MYLK3: variants seen among roughly 807,000 people sequenced by gnomAD.
MYLK3 encodes myosin light chain kinase 3.
MYLK3 carries 55 observed loss-of-function variants against 76.3 expected under a neutral mutation model. The ratio of observed to expected loss-of-function variants is 0.72; its 90% CI spans 0.58 to 0.90. The LOEUF (loss-of-function observed/expected upper bound fraction) is 0.90, where lower values mean the gene tolerates loss of function less well. MYLK3 is among the 40% of genes least tolerant of loss of function. The probability of loss-of-function intolerance (pLI) is 0.00; values close to 1 mark genes in which losing one functional copy is unlikely to be tolerated. For missense variants in MYLK3, 973 were observed against 1,053.6 expected, an observed-to-expected ratio of 0.92 and a Z score of 1.06; for synonymous variants, 416 against 425.4, an observed-to-expected ratio of 0.98 and a Z score of 0.27.
intron 1 of MYLK3, among the ~76,000 whole-genome samples, chr16:46,742,344 G>A (rs528966641): frequency 6.6e-6 from 1 of 152,050 alleles, no homozygotes; most frequent in Non-Finnish European, 1.5e-5. Flanking sequence ...ATCACATGAG[G>A]TCAGGAGTTC....
chr16:46,703,554 G>A lies in MYLK3; in HGVS notation c.*4150C>T, dbSNP rs1238386637. Reference sequence around the variant, plus strand: ...AGTGACTGTACATGCAAATGGAAAAGTCCCATTAGAAATAGTTGACCCAAC... The same window carrying A: ...AGTGACTGTACATGCAAATGGAAAAATCCCATTAGAAATAGTTGACCCAAC... On this transcript the variant is annotated 3_prime_UTR_variant, in exon 13 of 13. Transcript: ENST00000394809. 6.6e-6 allele frequency: 1 copy of A among 152,192 alleles called. No homozygotes were observed. The highest frequency in any genetic ancestry group is 1.5e-5 in the Non-Finnish European group (1 of 68,040). The allele number at this position is 152,192 out of a possible 1,614,324, so 9.4% of individuals were successfully genotyped here.
chr16:46,744,118 C>T (rs566125632), intron 1 of MYLK3, among the ~76,000 whole-genome samples: 18 of 152,034 alleles, frequency 1.2e-4, no homozygotes, highest in African/African-American at 3.4e-4. Flanking sequence ...CTGCAACCTC[C>T]GCCTCCCGGG....
rs200582243 is a variant in MYLK3 at position 46,742,744 on chromosome 16, C to A, written c.478-2597G>T. ...TGGAGAACACACAGCCCAGCACCGG[C>A]GTGGGGGAGGCACTTCATCAAAACT... is the stretch of plus-strand genomic sequence containing the variant. On this transcript the variant is annotated intron_variant, in intron 1 of 12. Coordinates refer to ENST00000394809, the MANE Select transcript of MYLK3 (RefSeq NM_182493.3). Among the ~76,000 whole-genome samples the A allele has an allele frequency of 2.0e-5, 3 of 152,164 alleles. No homozygotes were observed. The East Asian group carries it at 5.8e-4, about 29-fold the overall frequency.
At chr16:46,746,984 G>T (rs930430190) in intron 1 of MYLK3, among the ~76,000 whole-genome samples, 4 of 152,178 alleles carry the variant, frequency 2.6e-5, no homozygotes, top group Non-Finnish European at 5.9e-5. Context: ...CCAGAGGCTG[G>T]TGAGTCACTG....
At chr16:46,736,003 TTTG>T (rs559693345) in intron 3 of MYLK3, among the ~76,000 whole-genome samples, 64 of 152,020 alleles carry the variant, frequency 4.2e-4, no homozygotes, top group Non-Finnish European at 7.4e-4. Context: ...TCTGGGTTTG[TTTG>T]TTGTTGTTGT....
chr16:46,706,578 G>A lies in MYLK3; in HGVS notation c.*1126C>T, dbSNP rs1966628913. ...CAAAGTGCTGGGATTATGGGCATGAGCCACCACACCCAGCTTATATACTGT... is the reference window on the plus strand; with the variant it reads ...CAAAGTGCTGGGATTATGGGCATGAACCACCACACCCAGCTTATATACTGT... On this transcript the variant is annotated 3_prime_UTR_variant, in exon 13 of 13. Coordinates refer to ENST00000394809, the MANE Select transcript of MYLK3 (RefSeq NM_182493.3). 6.6e-6 allele frequency: 1 copy of A among 152,182 alleles called. No homozygotes were observed. The highest frequency in any genetic ancestry group is 2.1e-4 in the South Asian group (1 of 4,830). The allele number at this position is 152,182 out of a possible 1,614,324, so 9.4% of individuals were successfully genotyped here.
intron 1 of MYLK3, among the ~76,000 whole-genome samples, chr16:46,745,348 A>G (rs538487496): frequency 1.0e-3 from 156 of 152,374 alleles, no homozygotes; most frequent in Non-Finnish European, 1.7e-3. Flanking sequence ...GGGAGTACCC[A>G]GATATATTCA....
chr16:46,747,143 T>G (rs1481968491), intron 1 of MYLK3, among the ~76,000 whole-genome samples: 2 of 152,172 alleles, frequency 1.3e-5, no homozygotes, highest in South Asian at 2.1e-4. Context: ...CAGGATTGAT[T>G]ATGCAACTCT....
At position 46,748,296 on chromosome 16, in the gene MYLK3, G is replaced by T; in HGVS notation, c.-103C>A. 1 of 1,460,510 alleles carries T rather than the reference G, an allele frequency of 6.8e-7. No homozygotes were observed. The highest frequency in any genetic ancestry group is 9.0e-7 in the Non-Finnish European group (1 of 1,109,746). The allele number at this position is 1,460,510 out of a possible 1,614,324, so 90.5% of individuals were successfully genotyped here. A position where few individuals can be genotyped will look rare whatever the true frequency, so the allele number is the denominator to read the frequency against. On this transcript the variant is annotated 5_prime_UTR_variant, in exon 1 of 13. Coordinates refer to ENST00000394809, the MANE Select transcript of MYLK3 (RefSeq NM_182493.3). The surrounding 1 kb of genome is among the most constrained non-coding windows in gnomAD (Gnocchi z 4.3). ...GTCTGCAAGGTCATTGTCCTCCGTA[G>T]CTGACAGACTCCTGGCAGCACCAAC...
intron 3 of MYLK3, among the ~76,000 whole-genome samples, chr16:46,734,899 T>C (rs1966861105): frequency 6.6e-6 from 1 of 152,126 alleles, no homozygotes; most frequent in African/African-American, 2.4e-5. Flanking sequence ...CCCAGCACTT[T>C]GGGAGGCTGA....
chr16:46,724,973 G>T (rs1416818974), intron 8 of MYLK3, among the ~76,000 whole-genome samples: 1 of 151,996 alleles, frequency 6.6e-6, no homozygotes, highest in Non-Finnish European at 1.5e-5. Flanking sequence ...TTAACATTTT[G>T]TTGTAGTTTT....
At chr16:46,756,231 T>C (rs1452023974) in intron 1 of MYLK3, among the ~76,000 whole-genome samples, 2 of 152,178 alleles carry the variant, frequency 1.3e-5, no homozygotes, top group Non-Finnish European at 2.9e-5. Flanking sequence ...CAAGAAAGAA[T>C]GAGATTAAAA....
At chr16:46,731,754 G>A (rs1006895913) in intron 4 of MYLK3, among the ~76,000 whole-genome samples, 4 of 152,170 alleles carry the variant, frequency 2.6e-5, no homozygotes, top group South Asian at 2.1e-4. Flanking sequence ...AATCCAAAAT[G>A]AGACTCATGG....
intron 1 of MYLK3, among the ~76,000 whole-genome samples, chr16:46,742,445 AAAACACACACAC>A (rs1426070140): frequency 2.8e-4 from 36 of 130,268 alleles, no homozygotes; most frequent in Middle Eastern, 8.3e-3. Context: ...AATCCCAGCA[AAAACACACACAC>A]ACACACACAC....
chr16:46,742,211 C>T (rs943519174), intron 1 of MYLK3, among the ~76,000 whole-genome samples: 2 of 138,424 alleles, frequency 1.4e-5, no homozygotes, highest in Non-Finnish European at 3.2e-5. Flanking sequence ...ATTACTATAC[C>T]TTAATAAACT....
chr16:46,728,904 G>A (rs1041006827), intron 7 of MYLK3, 120 bp downstream of exon 7: 12 of 715,328 alleles, frequency 1.7e-5, no homozygotes, highest in South Asian at 1.0e-4. Flanking sequence ...AGGATGACAC[G>A]ACCCTGGACG....
chr16:46,736,161 G>T (rs775568671), intron 3 of MYLK3, among the ~76,000 whole-genome samples: 1 of 152,098 alleles, frequency 6.6e-6, no homozygotes. Context: ...ACAGGTGCAC[G>T]CCACCATGCC....
At position 46,734,577 on chromosome 16, in the gene MYLK3, T is replaced by C. The variant is rs190246173; in HGVS notation, c.1002-1909A>G. Among the ~76,000 whole-genome samples, 203 of 152,058 alleles carry C rather than the reference T, an allele frequency of 1.3e-3. 3 individuals are homozygous for C. Among genetic ancestry groups the C allele is most frequent in the Admixed American group, 0.013 (194 of 15,268 alleles). ...TGGAGTTTGCAGTGAGTTGAGATCA[T>C]GCCACTGCACTCCAGCCTGGGTGAC... On this transcript the variant is annotated intron_variant, in intron 3 of 12. Transcript: ENST00000394809.
chr16:46,749,035 C>T (rs556614046), upstream of MYLK3, among the ~76,000 whole-genome samples: 26 of 152,330 alleles, frequency 1.7e-4, 1 homozygote, highest in Admixed American at 1.6e-3. Flanking sequence ...ATCAGACATG[C>T]AATTTCCATA....
Sources: allele counts gnomAD v4.1 joint callset (sites outside exome capture counted in the v4.1 genomes callset), GRCh38; gene constraint gnomAD v4.1.1; non-coding constraint Gnocchi (gnomAD v3.1); transcripts MANE v1.5; gene names NCBI Gene and HGNC (gene_info 2026-07-23, HGNC 2026-07-21).